The following HCN1 variants were observed in gnomAD, a reference collection of about 807,000 sequenced individuals.
HCN1 encodes hyperpolarization activated cyclic nucleotide gated potassium channel 1.
A neutral mutation model predicts 78.9 loss-of-function variants in HCN1; 13 were observed. That is an observed-to-expected ratio of 0.16 (90% CI 0.11 to 0.26). The LOEUF is 0.26. HCN1 is among the 10% of genes least tolerant of loss of function. HCN1 has a pLI of 1.00. For synonymous variants in HCN1, 552 were observed against 455.5 expected (o/e 1.21, Z -2.70); for missense variants, 810 against 1,154.3 (o/e 0.70, Z 4.32).
intron 2 of HCN1, among the ~76,000 whole-genome samples, chr5:45,538,277 T>G (rs1178026992): frequency 6.6e-6 from 1 of 152,170 alleles, no homozygotes; most frequent in Non-Finnish European, 1.5e-5. Flanking sequence ...GATCCTCTAA[T>G]TGCTGTGATG....
chr5:45,296,676 T>C (rs1218435598), intron 6 of HCN1, among the ~76,000 whole-genome samples: 4 of 151,834 alleles, frequency 2.6e-5, no homozygotes, highest in Non-Finnish European at 1.5e-5. Context: ...ACTGTAGCTC[T>C]TGGAAAATAT....
chr5:45,417,045 C>A (rs1349933428), intron 3 of HCN1, among the ~76,000 whole-genome samples: 2 of 151,970 alleles, frequency 1.3e-5, no homozygotes, highest in Non-Finnish European at 2.9e-5. Context: ...TTACAAACAA[C>A]CCTGAATTAG....
chr5:45,376,073 A>G (rs1166757946), intron 4 of HCN1, among the ~76,000 whole-genome samples: 1 of 111,614 alleles, frequency 9.0e-6, no homozygotes, highest in Admixed American at 1.2e-4. Flanking sequence ...ATAATATGTT[A>G]TAATATATAT....
chr5:45,511,519 A>G (rs1273920981), intron 2 of HCN1, among the ~76,000 whole-genome samples: 1 of 152,184 alleles, frequency 6.6e-6, no homozygotes, highest in Admixed American at 6.6e-5. Context: ...CCTTGATATG[A>G]ATGTTTAATT....
At chr5:45,454,803 G>T (rs1740991234) in intron 3 of HCN1, among the ~76,000 whole-genome samples, 1 of 151,994 alleles carries the variant, frequency 6.6e-6, no homozygotes, top group African/African-American at 2.4e-5. Flanking sequence ...TAAAATAATT[G>T]TCCGGGTTTC....
At chr5:45,520,962 T>C (rs553743949) in intron 2 of HCN1, among the ~76,000 whole-genome samples, 231 of 152,012 alleles carry the variant, frequency 1.5e-3, no homozygotes, top group African/African-American at 5.4e-3. Flanking sequence ...AAGCACGTCA[T>C]ATGCAAACCA....
At chr5:45,343,881 G>A (rs1185560329) in intron 5 of HCN1, among the ~76,000 whole-genome samples, 1 of 151,958 alleles carries the variant, frequency 6.6e-6, no homozygotes, top group African/African-American at 2.4e-5. Flanking sequence ...TATATATATT[G>A]GGAGAGATTC....
intron 3 of HCN1, among the ~76,000 whole-genome samples, chr5:45,435,883 A>G (rs897529710): frequency 2.4e-4 from 36 of 152,162 alleles, no homozygotes; most frequent in African/African-American, 8.7e-4. Context: ...CAGGGGGAAA[A>G]TCCTACAACA....
At chr5:45,535,648 A>C (rs1742951745) in intron 2 of HCN1, among the ~76,000 whole-genome samples, 1 of 152,048 alleles carries the variant, frequency 6.6e-6, no homozygotes, top group South Asian at 2.1e-4. Flanking sequence ...AATATAATAA[A>C]TATAATAGAG....
intron 2 of HCN1, among the ~76,000 whole-genome samples, chr5:45,543,666 G>A (rs558524005): frequency 6.6e-6 from 1 of 152,128 alleles, no homozygotes; most frequent in South Asian, 2.1e-4. Flanking sequence ...TATCAAGGAA[G>A]TACAGCTTCC....
chr5:45,619,081 T>C (rs1318674192), intron 2 of HCN1, among the ~76,000 whole-genome samples: 3 of 152,054 alleles, frequency 2.0e-5, no homozygotes, highest in Admixed American at 6.6e-5. Flanking sequence ...GGTAGAAAAA[T>C]TGATTTTTTT....
At chr5:45,449,749 C>T (rs903023344) in intron 3 of HCN1, among the ~76,000 whole-genome samples, 5 of 152,128 alleles carry the variant, frequency 3.3e-5, no homozygotes, top group Non-Finnish European at 7.3e-5. Flanking sequence ...TAAATTCTAG[C>T]CCCCAAAATT....
At chr5:45,528,056 T>A (rs1314868232) in intron 2 of HCN1, among the ~76,000 whole-genome samples, 3 of 151,984 alleles carry the variant, frequency 2.0e-5, no homozygotes, top group Admixed American at 1.3e-4. Context: ...GAAGGAGGGT[T>A]ACTCTGGTGT....
chr5:45,395,840 T>C (rs1354474997), intron 4 of HCN1, among the ~76,000 whole-genome samples: 7 of 151,486 alleles, frequency 4.6e-5, no homozygotes, highest in African/African-American at 1.7e-4. Context: ...AAAGAAATTC[T>C]TCATGTGGGA....
Position 45,317,159 on chromosome 5 carries a change from T to A in HCN1, c.1378-13320A>T, listed in dbSNP as rs1054474667. ...GCTGGAGGCATCACGTTACCTGACTTCAAACTACACTACAAAGCTACAGTA... is the reference window on the plus strand; with the variant it reads ...GCTGGAGGCATCACGTTACCTGACTACAAACTACACTACAAAGCTACAGTA... On this transcript the variant is annotated intron_variant, in intron 5 of 7. Coordinates refer to ENST00000303230, the MANE Select transcript of HCN1 (RefSeq NM_021072.4). Among the ~76,000 whole-genome samples, 3 of 152,138 alleles carry A rather than the reference T, an allele frequency of 2.0e-5. No individual in the cohort carries two copies. The East Asian group carries it at 5.8e-4, about 29-fold the overall frequency.
chr5:45,371,268 C>G (rs533479727), intron 4 of HCN1, among the ~76,000 whole-genome samples: 2 of 151,840 alleles, frequency 1.3e-5, no homozygotes, highest in African/African-American at 2.4e-5. Context: ...CAGGAAATAA[C>G]CAAAATCAAA....
intron 5 of HCN1, among the ~76,000 whole-genome samples, chr5:45,346,047 T>C (rs1746696960): frequency 6.6e-6 from 1 of 152,192 alleles, no homozygotes; most frequent in Non-Finnish European, 1.5e-5. Flanking sequence ...CCTTCTTTGC[T>C]TGGTGGCAGA....
At chr5:45,280,622 T>C (rs1341541628) in intron 6 of HCN1, among the ~76,000 whole-genome samples, 5 of 152,182 alleles carry the variant, frequency 3.3e-5, no homozygotes, top group African/African-American at 9.7e-5. Context: ...TGAGGACATA[T>C]TTTTGGCCTC....
intron 4 of HCN1, among the ~76,000 whole-genome samples, chr5:45,362,302 T>C (rs1198572560): frequency 6.6e-6 from 1 of 151,984 alleles, no homozygotes; most frequent in East Asian, 1.9e-4. Context: ...TTGGACCATT[T>C]AAAGCATTTT....
Sources: gnomAD v4.1 joint callset for allele counts (sites outside exome capture counted in the v4.1 genomes callset) on GRCh38, gnomAD v4.1.1 for gene constraint, MANE v1.5 for transcripts, NCBI Gene and HGNC (gene_info 2026-07-23, HGNC 2026-07-21) for gene names.